The following BTNL8 variants were observed in gnomAD, a reference collection of about 807,000 sequenced individuals.
The protein encoded by BTNL8 is butyrophilin like 8.
In BTNL8, 22 loss-of-function variants were observed where a neutral mutation model predicts 36.1. The observed-to-expected ratio is 0.61, with a 90% CI of 0.44 to 0.87. BTNL8 has a LOEUF of 0.87. BTNL8 is among the 40% of genes least tolerant of loss of function. BTNL8 has a pLI of 0.00. For synonymous variants in BTNL8, 203 were observed against 235.6 expected (o/e 0.86, Z 1.27); for missense variants, 526 against 616.9 (o/e 0.85, Z 1.56).
chr5:180,915,889 C>A (rs536440416), intron 3 of BTNL8, among the ~76,000 whole-genome samples: 21 of 152,290 alleles, frequency 1.4e-4, no homozygotes, highest in African/African-American at 4.8e-4. Context: ...CAATGTAGCT[C>A]AACACAATAA....
rs191046172 is a variant in BTNL8 at position 180,940,933 on chromosome 5, A to C, written c.674-6579A>C. On this transcript the variant is annotated intron_variant, in intron 3 of 7. Coordinates refer to ENST00000340184, the MANE Select transcript of BTNL8 (RefSeq NM_001040462.3). ...AAAAACAACAATAACAACAAAAAAA[A>C]CCCATAAAAATTAGCTGGGCTTGGT... is the stretch of plus-strand genomic sequence containing the variant. Among the ~76,000 whole-genome samples, 676 of 152,086 alleles carry C rather than the reference A, an allele frequency of 4.4e-3. 8 individuals are homozygous for C. The highest frequency in any genetic ancestry group is 0.015 in the African/African-American group (623 of 41,484).
At chr5:180,932,585 G>A (rs1289658772) in intron 3 of BTNL8, among the ~76,000 whole-genome samples, 1 of 152,020 alleles carries the variant, frequency 6.6e-6, no homozygotes, top group Non-Finnish European at 1.5e-5. Context: ...TCCTGACCTC[G>A]TGATCCGCCC....
chr5:180,916,618 T>G (rs1036552339), intron 3 of BTNL8, among the ~76,000 whole-genome samples: 1 of 152,148 alleles, frequency 6.6e-6, no homozygotes, highest in Non-Finnish European at 1.5e-5. Flanking sequence ...TAAATAGAAT[T>G]ATAAATAAAA....
intron 7 of BTNL8, 36 bp from the exon 8 acceptor site, chr5:180,949,868 T>A (rs1168991325): frequency 1.4e-6 from 2 of 1,427,012 alleles, no homozygotes; most frequent in Admixed American, 3.9e-5. Context: ...TCGTCTTCAG[T>A]AACTCATGCT....
chr5:180,943,589 CAAA>C (rs1358578935), intron 3 of BTNL8, among the ~76,000 whole-genome samples: 1 of 152,010 alleles, frequency 6.6e-6, no homozygotes, highest in African/African-American at 2.4e-5. Context: ...ATCAAAAAGA[CAAA>C]AGATAACAAT....
At chr5:180,946,829 C>G (rs1193203368) in intron 3 of BTNL8, among the ~76,000 whole-genome samples, 1 of 152,018 alleles carries the variant, frequency 6.6e-6, no homozygotes, top group Non-Finnish European at 1.5e-5. Context: ...TTTAATCATT[C>G]CACATTGTAG....
intron 3 of BTNL8, among the ~76,000 whole-genome samples, chr5:180,944,149 A>G (rs191248657): frequency 2.4e-4 from 36 of 152,352 alleles, no homozygotes; most frequent in Admixed American, 2.2e-3. Context: ...AGTAGGGGTT[A>G]CCAGAGACTG....
At position 180,908,821 on chromosome 5, in the gene BTNL8, G is replaced by C; in HGVS notation, c.285G>C (p.Gly95=). Residue 95 remains glycine (G), a synonymous_variant, in exon 2 of 8, where the codon GGG becomes GGC. Transcript: ENST00000340184. ...TKLVKDSIAE[G]RISLRLENIT... ...TGGTGAAGGATTCTATTGCGGAGGG[G>C]CGCATCTCTCTGAGGCTGGAAAACA... 3.1e-6 allele frequency: 5 copies of C among 1,614,158 alleles called. No homozygotes were observed. Among genetic ancestry groups the C allele is most frequent in the Non-Finnish European group, 3.4e-6 (4 of 1,180,016 alleles).
rs548203429 is a variant in BTNL8 at position 180,907,700 on chromosome 5, T to C, written c.50-886T>C. ...TGATGGTGATGTACAGATGGGTTTT[T>C]GGTGTGGATGTCCTTTCTGTTTGTT... On this transcript the variant is annotated intron_variant, in intron 1 of 7. Coordinates refer to ENST00000340184, the MANE Select transcript of BTNL8 (RefSeq NM_001040462.3). Among the ~76,000 whole-genome samples, 1,067 of 152,144 alleles carry C rather than the reference T, an allele frequency of 7.0e-3. 10 individuals carry two copies. The highest frequency in any genetic ancestry group is 0.023 in the African/African-American group (933 of 41,460).
At chr5:180,924,176 A>G in intron 3 of BTNL8, among the ~76,000 whole-genome samples, 1 of 152,198 alleles carries the variant, frequency 6.6e-6, no homozygotes. Flanking sequence ...TTCCCTAGAT[A>G]GGAAGACAAT....
intron 3 of BTNL8, among the ~76,000 whole-genome samples, chr5:180,927,376 A>T (rs539517886): frequency 1.3e-5 from 2 of 152,278 alleles, no homozygotes; most frequent in South Asian, 4.1e-4. Flanking sequence ...ATGAGGAAAA[A>T]CCAGTGCAAA....
chr5:180,913,045 C>G (rs1582021026), intron 3 of BTNL8, among the ~76,000 whole-genome samples: 1 of 152,132 alleles, frequency 6.6e-6, no homozygotes, highest in Admixed American at 6.5e-5. Context: ...AGAACTCATT[C>G]TGTGACTGGC....
At chr5:180,929,381 C>T (rs571758090) in intron 3 of BTNL8, among the ~76,000 whole-genome samples, 16 of 152,174 alleles carry the variant, frequency 1.1e-4, no homozygotes, top group Admixed American at 1.0e-3. Context: ...AAAATCGACA[C>T]CCTAACATCA....
intron 3 of BTNL8, among the ~76,000 whole-genome samples, chr5:180,928,971 G>T (rs1173123755): frequency 6.6e-6 from 1 of 152,024 alleles, no homozygotes; most frequent in African/African-American, 2.4e-5. Flanking sequence ...GACCCTATAG[G>T]CAGCTACAGA....
At chr5:180,909,261 T>C (rs1404502252) in intron 2 of BTNL8, among the ~76,000 whole-genome samples, 1 of 152,238 alleles carries the variant, frequency 6.6e-6, no homozygotes, top group Admixed American at 6.5e-5. Flanking sequence ...GAATGTTACA[T>C]ACACAGCTTC....
At chr5:180,943,961 C>T (rs1378345893) in intron 3 of BTNL8, among the ~76,000 whole-genome samples, 4 of 152,152 alleles carry the variant, frequency 2.6e-5, no homozygotes, top group Admixed American at 6.5e-5. Context: ...GAAGACACTA[C>T]GTTAAGTTAC....
intron 1 of BTNL8, among the ~76,000 whole-genome samples, chr5:180,901,858 A>G (rs1756833980): frequency 6.6e-6 from 1 of 152,250 alleles, no homozygotes; most frequent in Non-Finnish European, 1.5e-5. Flanking sequence ...TATGGAAAAT[A>G]TAAGTCACAC....
rs554674138 is a variant in BTNL8 at position 180,903,094 on chromosome 5, C to T, written c.49+3735C>T. Among the ~76,000 whole-genome samples the T allele has an allele frequency of 3.3e-5, 4 of 119,798 alleles. 1 individual carries two copies. In the East Asian group the frequency reaches 9.4e-4, roughly 28 times the overall value. The allele number at this position is 119,798 out of a possible 152,430, so 78.6% of individuals were successfully genotyped here. ...TTCCAGTTCTAGTTCCCTGAGGAAT[C>T]GCCACACTGACTTCCACAATGGTTG... On this transcript the variant is annotated intron_variant, in intron 1 of 7. Coordinates refer to ENST00000340184, the MANE Select transcript of BTNL8 (RefSeq NM_001040462.3).
chr5:180,912,693 G>A lies in BTNL8; in HGVS notation c.673+1079G>A, dbSNP rs142038514. ...AGCCTACACAACATAGCAAGACCCCGTCTTCAAACAAACAAAACAAAAAGC... is the reference window on the plus strand; with the variant it reads ...AGCCTACACAACATAGCAAGACCCCATCTTCAAACAAACAAAACAAAAAGC... On this transcript the variant is annotated intron_variant, in intron 3 of 7. Transcript: ENST00000340184. 3.9e-3 allele frequency among the ~76,000 whole-genome samples: 586 copies of A among 152,162 alleles called. 6 individuals carry two copies. The highest frequency in any genetic ancestry group is 0.014 in the African/African-American group (562 of 41,506).
Sources: allele counts gnomAD v4.1 joint callset (sites outside exome capture counted in the v4.1 genomes callset), GRCh38; gene constraint gnomAD v4.1.1; transcripts MANE v1.5; gene names NCBI Gene and HGNC (gene_info 2026-07-23, HGNC 2026-07-21).